Variants in ZDHHC14 observed in about 807,000 individuals in gnomAD.
ZDHHC14 encodes palmitoyltransferase ZDHHC14.
A neutral mutation model predicts 47.7 loss-of-function variants in ZDHHC14; 16 were observed. The ratio of observed to expected loss-of-function variants is 0.34; its 90% CI spans 0.23 to 0.51. The LOEUF (loss-of-function observed/expected upper bound fraction) is 0.51. Among genes scored for constraint, ZDHHC14 ranks in the 20% least tolerant of loss-of-function variants. The pLI is 0.97. For missense variants in ZDHHC14, 515 were observed against 662.5 expected (o/e 0.78, Z 2.44); for synonymous variants, 293 against 278.9 (o/e 1.05, Z -0.50).
chr6:157,466,131 GATCCTCAGCTGCCTCTCT>G (rs1378977931), intron 1 of ZDHHC14, among the ~76,000 whole-genome samples: 2 of 152,188 alleles, frequency 1.3e-5, no homozygotes, highest in Non-Finnish European at 2.9e-5. Context: ...ACCTTGGCCT[GATCCTCAGCTGCCTCTCT>G]GAGCGCACTC....
intron 1 of ZDHHC14, among the ~76,000 whole-genome samples, chr6:157,540,861 A>G (rs1381358291): frequency 8.1e-6 from 1 of 123,320 alleles, no homozygotes; most frequent in Non-Finnish European, 1.7e-5. Context: ...GTTTATATAT[A>G]TAACATATAT....
intron 1 of ZDHHC14, among the ~76,000 whole-genome samples, chr6:157,415,886 A>T (rs1229650219): frequency 6.6e-6 from 1 of 152,088 alleles, no homozygotes; most frequent in Non-Finnish European, 1.5e-5. Context: ...AAAAAAAAAA[A>T]AGAAAAAGTT....
Position 157,674,068 on chromosome 6 carries a change from T to A in ZDHHC14, c.*946T>A, listed in dbSNP as rs993410173. 1 of 152,662 alleles carries A rather than the reference T, an allele frequency of 6.6e-6. No individual in the cohort carries two copies. The highest frequency in any genetic ancestry group is 1.5e-5 in the Non-Finnish European group (1 of 68,046). The allele number at this position is 152,662 out of a possible 1,614,324, so 9.5% of individuals were successfully genotyped here. A position where few individuals can be genotyped will look rare whatever the true frequency, so the allele number is the denominator to read the frequency against. ...ACAACCAAAAGTCAAATCTTTGAAC[T>A]GGGAGATATTTATAGAATAATTTCT... is the stretch of plus-strand genomic sequence containing the variant. On this transcript the variant is annotated 3_prime_UTR_variant, in exon 9 of 9. Transcript: ENST00000359775.
At chr6:157,406,148 A>C (rs1777756813) in intron 1 of ZDHHC14, among the ~76,000 whole-genome samples, 1 of 152,206 alleles carries the variant, frequency 6.6e-6, no homozygotes, top group Non-Finnish European at 1.5e-5. Context: ...TTAGCTCATC[A>C]CTTTCCCACC....
intron 1 of ZDHHC14, among the ~76,000 whole-genome samples, chr6:157,467,025 C>T (rs1318137911): frequency 6.6e-6 from 1 of 152,116 alleles, no homozygotes; most frequent in Non-Finnish European, 1.5e-5. Context: ...ACCCAGCCTA[C>T]TTCTCCTGTT....
At chr6:157,470,585 A>G (rs1250584041) in intron 1 of ZDHHC14, among the ~76,000 whole-genome samples, 1 of 152,248 alleles carries the variant, frequency 6.6e-6, no homozygotes, top group Non-Finnish European at 1.5e-5. Flanking sequence ...AATATGAAAA[A>G]TGGCAGTTGT....
At chr6:157,421,195 A>G (rs923844282) in intron 1 of ZDHHC14, among the ~76,000 whole-genome samples, 9 of 152,048 alleles carry the variant, frequency 5.9e-5, no homozygotes, top group African/African-American at 1.9e-4. Context: ...AAAGTTTTCC[A>G]TAAGTCAAGA....
chr6:157,460,322 C>T (rs1779046408), intron 1 of ZDHHC14, among the ~76,000 whole-genome samples: 1 of 146,916 alleles, frequency 6.8e-6, no homozygotes, highest in Non-Finnish European at 1.5e-5. Context: ...TTGCTTGAGC[C>T]CATGAAGTTG....
chr6:157,495,931 C>T (rs1326184243), intron 1 of ZDHHC14, among the ~76,000 whole-genome samples: 1 of 151,972 alleles, frequency 6.6e-6, no homozygotes, highest in Non-Finnish European at 1.5e-5. Context: ...TCTTGAACTC[C>T]TAGGTTCAAG....
At chr6:157,669,803 C>T (rs75855859) in intron 8 of ZDHHC14, among the ~76,000 whole-genome samples, 4,696 of 152,318 alleles carry the variant, frequency 0.031, 259 homozygotes, top group African/African-American at 0.11. Context: ...CTCTCTGAAG[C>T]GGCAGCTCCG....
At chr6:157,633,790 TTA>T (rs1405387093) in intron 5 of ZDHHC14, among the ~76,000 whole-genome samples, 2 of 152,206 alleles carry the variant, frequency 1.3e-5, no homozygotes, top group East Asian at 3.9e-4. Context: ...GTAGCTGGGA[TTA>T]CAGGTATGTG....
intron 7 of ZDHHC14, among the ~76,000 whole-genome samples, chr6:157,647,674 A>T (rs925942851): frequency 2.6e-5 from 4 of 152,210 alleles, no homozygotes; most frequent in African/African-American, 9.6e-5. Context: ...AGGTGCGTGC[A>T]GGGAGCTGTG....
Position 157,605,395 on chromosome 6 carries a change from A to G in ZDHHC14, c.565+12249A>G, listed in dbSNP as rs530676642. ...TTAAATAAGTGAAATGAATACTTAGAAACTATTTGTACTAAGAGAGCTCTT... is the reference window on the plus strand; with the variant it reads ...TTAAATAAGTGAAATGAATACTTAGGAACTATTTGTACTAAGAGAGCTCTT... On this transcript the variant is annotated intron_variant, in intron 3 of 8. Coordinates refer to ENST00000359775, the MANE Select transcript of ZDHHC14 (RefSeq NM_024630.3). 5.3e-5 allele frequency among the ~76,000 whole-genome samples: 8 copies of G among 152,356 alleles called. No individual in the cohort carries two copies. The East Asian group carries it at 1.2e-3, about 22-fold the overall frequency.
At chr6:157,439,520 C>T (rs1411125790) in intron 1 of ZDHHC14, among the ~76,000 whole-genome samples, 1 of 152,108 alleles carries the variant, frequency 6.6e-6, no homozygotes, top group Non-Finnish European at 1.5e-5. Context: ...CAGATGCTGG[C>T]AAGGCTGTGG....
At chr6:157,641,978 T>C (rs925319934) in intron 5 of ZDHHC14, among the ~76,000 whole-genome samples, 1 of 152,092 alleles carries the variant, frequency 6.6e-6, no homozygotes, top group African/African-American at 2.4e-5. Context: ...CTTTACACAT[T>C]GAAAAATTAT....
intron 1 of ZDHHC14, among the ~76,000 whole-genome samples, chr6:157,457,270 G>A (rs1012145783): frequency 3.3e-5 from 5 of 152,058 alleles, no homozygotes; most frequent in Non-Finnish European, 7.4e-5. Flanking sequence ...TGTTTATCAG[G>A]GCTTCCAGCG....
At chr6:157,504,182 G>A (rs1358266604) in intron 1 of ZDHHC14, among the ~76,000 whole-genome samples, 2 of 114,810 alleles carry the variant, frequency 1.7e-5, no homozygotes, top group East Asian at 2.2e-4. Flanking sequence ...AGCAACATGG[G>A]CATATATATA....
At position 157,675,731 on chromosome 6, in the gene ZDHHC14, CAT is replaced by C. The variant is rs1216773397; in HGVS notation, c.*2614_*2615del. On this transcript the variant is annotated 3_prime_UTR_variant, in exon 9 of 9. Coordinates refer to ENST00000359775, the MANE Select transcript of ZDHHC14 (RefSeq NM_024630.3). ...GTGATGGCTCTGCATTTCCCACGAA[CAT>C]ATATGTGACATGTACATAAATATAA... 3 of 152,206 alleles carry C rather than the reference CAT, an allele frequency of 2.0e-5. No individual in the cohort carries two copies. Among genetic ancestry groups the C allele is most frequent in the Non-Finnish European group, 4.4e-5 (3 of 68,042 alleles). The allele number at this position is 152,206 out of a possible 1,614,324, so 9.4% of individuals were successfully genotyped here.
chr6:157,484,869 G>C (rs1273468143), intron 1 of ZDHHC14, among the ~76,000 whole-genome samples: 2 of 152,076 alleles, frequency 1.3e-5, no homozygotes, highest in Non-Finnish European at 2.9e-5. Context: ...ATAGAAGTGA[G>C]AAGATTTGGT....
Sources: allele counts gnomAD v4.1 joint callset (sites outside exome capture counted in the v4.1 genomes callset), GRCh38; gene constraint gnomAD v4.1.1; transcripts MANE v1.5; gene names NCBI Gene and HGNC (gene_info 2026-07-23, HGNC 2026-07-21).